Variants in MACF1 observed in about 807,000 individuals in gnomAD.
The protein encoded by MACF1 is microtubule-actin cross-linking factor 1.
MACF1 carries 193 observed loss-of-function variants against 854.8 expected under a neutral mutation model. The observed-to-expected ratio is 0.23, with a 90% confidence interval of 0.20 to 0.25. MACF1 has a LOEUF of 0.25. Ranked by LOEUF, MACF1 falls within the 10% of genes least tolerant of loss-of-function variation. The probability of loss-of-function intolerance (pLI) is 1.00; values close to 1 mark genes in which losing one functional copy is unlikely to be tolerated. For synonymous variants in MACF1, 3,185 were observed against 3,226.7 expected (o/e 0.99, Z 0.44); for missense variants, 7,722 against 8,929.1 (o/e 0.86, Z 5.45).
intron 58 of MACF1, chr1:39,410,624 C>T (rs200185590): frequency 1.6e-4 from 251 of 1,613,856 alleles, no homozygotes; most frequent in Non-Finnish European, 2.1e-4. Flanking sequence ...AGAAGGCGGC[C>T]AAATGCAGAA....
chr1:39,178,001 G>T (rs1344882620), intron 2 of MACF1, among the ~76,000 whole-genome samples: 5 of 151,938 alleles, frequency 3.3e-5, no homozygotes, highest in Non-Finnish European at 5.9e-5. Flanking sequence ...CCGAGAGGGG[G>T]ATTTCCGCAG....
intron 23 of MACF1, among the ~76,000 whole-genome samples, chr1:39,307,526 C>T (rs1646207183): frequency 6.6e-6 from 1 of 152,138 alleles, no homozygotes; most frequent in South Asian, 2.1e-4. Flanking sequence ...TGAACACAAA[C>T]TAGAAACTCG....
intron 2 of MACF1, among the ~76,000 whole-genome samples, chr1:39,134,443 C>T (rs977717222): frequency 2.0e-5 from 3 of 152,104 alleles, no homozygotes; most frequent in Admixed American, 2.0e-4. Flanking sequence ...GACCATGTGC[C>T]TTCTTGCTCC....
At chr1:39,422,703 T>C (rs1260271666) in intron 59 of MACF1, 27 bp from the exon 60 acceptor site, 4 of 1,605,188 alleles carry the variant, frequency 2.5e-6, no homozygotes, top group Non-Finnish European at 2.6e-6. Flanking sequence ...TCCGTTCTCA[T>C]AATGAACCTA....
rs1443143866 is a variant in MACF1 at position 39,428,077 on chromosome 1, A to G, written c.16593A>G (p.Ile5531Met). Residue 5531 changes from isoleucine (I) to methionine (M), a missense_variant, in exon 63 of 101, where the codon ATA becomes ATG. Around this residue, in one of 15 missense-constraint regions of MACF1, gnomAD observed 2,807 missense variants for 3,235.8 expected, o/e 0.87. Transcript: ENST00000564288. ...PAEQGVLSEK[I>M]DSLQARYSEI... The stretch of plus-strand genomic sequence containing the variant: ...AACAGGGTGTGCTGTCAGAAAAGAT[A>G]GACTCATTGCAGGCCCGATACAGTG... 6.2e-7 allele frequency: 1 copy of G among 1,614,222 alleles called. No homozygotes were observed. Among genetic ancestry groups the G allele is most frequent in the Admixed American group, 1.7e-5 (1 of 60,024 alleles).
intron 82 of MACF1, 54 bp from the exon 83 acceptor site, chr1:39,447,979 T>TG: frequency 6.2e-7 from 1 of 1,612,216 alleles, no homozygotes; most frequent in South Asian, 1.1e-5. Context: ...TTCTCAAACG[T>TG]GCTGTATAGT....
At chr1:39,293,360 T>C in intron 17 of MACF1, 98 bp from the exon 18 acceptor site, 1 of 1,134,824 alleles carries the variant, frequency 8.8e-7, no homozygotes, top group Non-Finnish European at 1.2e-6. Flanking sequence ...TAAGAGCAAA[T>C]TAATTTCCTG....
rs191298596 is a variant in MACF1 at position 39,283,514 on chromosome 1, C to T, written c.914C>T (p.Thr305Met). ...GAGGGTGGAGAAGGGATCAGTGCTA[C>T]GGTAAAAGAACATTTTCCTAGAAGG... Reference protein sequence around the residue: ...VPEGGEGISATEVDSRWQEYQ... With the variant: ...VPEGGEGISAMEVDSRWQEYQ... Residue 305 changes from threonine to methionine, a missense_variant and splice_region_variant, in exon 9 of 101, where the codon ACG (threonine) becomes ATG (methionine). By Grantham distance (81) the Thr-to-Met change is moderately conservative (BLOSUM62 -1). Around this residue, in one of 15 missense-constraint regions of MACF1, gnomAD observed 97 missense variants for 130.4 expected, o/e 0.74. Transcript: ENST00000564288. The surrounding 1 kb of genome is among the most constrained non-coding windows in gnomAD (Gnocchi z 4.5). 3.5e-5 allele frequency: 56 copies of T among 1,588,782 alleles called. No individual in the cohort carries two copies. The highest frequency in any genetic ancestry group is 3.3e-4 in the Admixed American group (20 of 59,930).
intron 97 of MACF1, among the ~76,000 whole-genome samples, chr1:39,475,338 A>G (rs1425900036): frequency 6.6e-6 from 1 of 152,108 alleles, no homozygotes; most frequent in African/African-American, 2.4e-5. Context: ...GCAAGGTGGT[A>G]CATGCCTGTA....
chr1:39,465,336 A>G (rs1029342364), intron 95 of MACF1, among the ~76,000 whole-genome samples: 1 of 152,188 alleles, frequency 6.6e-6, no homozygotes, highest in African/African-American at 2.4e-5. Flanking sequence ...AAATGGAGGA[A>G]AGTGAAGCTA....
chr1:39,444,728 A>G lies in MACF1; in HGVS notation c.19498A>G (p.Met6500Val), dbSNP rs760403694. The G allele has an allele frequency of 1.9e-6, 3 of 1,614,184 alleles. No homozygotes were observed. Among genetic ancestry groups the G allele is most frequent in the East Asian group, 4.5e-5 (2 of 44,882 alleles). ...YNQLLDKGRL[M>V]LLSRDDSGSG... ...TCAACTACTTGACAAGGGCAGACTC[A>G]TGCTTCTAAGCCGTGACGACTCTGG... Residue 6500 changes from methionine (M) to valine (V), a missense_variant, in exon 80 of 101, where the codon ATG becomes GTG. Physicochemically the swap from Met to Val is conservative, Grantham distance 21. Around this residue, in one of 15 missense-constraint regions of MACF1, gnomAD observed 729 missense variants for 900.5 expected, o/e 0.81. Transcript: ENST00000564288.
rs1415910110 is a variant in MACF1 at position 39,432,525 on chromosome 1, C to T, written c.17338-10C>T. On this transcript the variant is annotated splice_polypyrimidine_tract_variant and intron_variant, in intron 66 of 100. Coordinates refer to ENST00000564288, the MANE Select transcript of MACF1 (RefSeq NM_001394062.1). Reference sequence around the variant, plus strand: ...ATAATTTGTTTATTTTTCTTTAATACGTCTATTAGTATGAGCAAGCTGCCG... The same window carrying T: ...ATAATTTGTTTATTTTTCTTTAATATGTCTATTAGTATGAGCAAGCTGCCG... 6 of 1,612,174 alleles carry T rather than the reference C, an allele frequency of 3.7e-6. No individual in the cohort carries two copies. The highest frequency in any genetic ancestry group is 2.2e-5 in the South Asian group (2 of 90,760).
At chr1:39,173,499 C>T (rs1302799600) in intron 2 of MACF1, among the ~76,000 whole-genome samples, 1 of 152,190 alleles carries the variant, frequency 6.6e-6, no homozygotes, top group African/African-American at 2.4e-5. Flanking sequence ...TCCTCTTCCA[C>T]CTACCACTTG....
At chr1:39,092,816 C>T (rs1242887035) in intron 2 of MACF1, among the ~76,000 whole-genome samples, 1 of 150,736 alleles carries the variant, frequency 6.6e-6, no homozygotes, top group Non-Finnish European at 1.5e-5. Context: ...TGGAGTCTCT[C>T]TCTGTTGCCC....
chr1:39,250,224 T>G (rs1358033228), intron 3 of MACF1, 121 bp downstream of exon 3: 5 of 562,480 alleles, frequency 8.9e-6, no homozygotes, highest in Non-Finnish European at 1.3e-5. Context: ...GAGGAAGAAG[T>G]AGAAGGAAAT....
At chr1:39,343,922 C>A (rs1646988926) in intron 40 of MACF1, among the ~76,000 whole-genome samples, 2 of 151,604 alleles carry the variant, frequency 1.3e-5, no homozygotes, top group African/African-American at 4.9e-5. Flanking sequence ...TTGAGACCAG[C>A]CTGACCAACA....
At chr1:39,287,153 G>C (rs1184778527) in intron 14 of MACF1, 133 bp from the exon 15 acceptor site, 1 of 938,342 alleles carries the variant, frequency 1.1e-6, no homozygotes, top group Non-Finnish European at 1.6e-6. Context: ...TAGAGACGGG[G>C]TTTCACCATG....
At chr1:39,314,557 TCTCTCTCTCTCTCACA>T (rs1403449843) in intron 26 of MACF1, among the ~76,000 whole-genome samples, 1 of 38,432 alleles carries the variant, frequency 2.6e-5, no homozygotes, top group East Asian at 7.4e-4. Context: ...TTTCTCTCTC[TCTCTCTCTCTCTCACA>T]CACACACACA....
rs1217892748 is a variant in MACF1 at position 39,430,749 on chromosome 1, G to A, written c.17178G>A (p.Val5726=). Reference sequence around the variant, plus strand: ...AGCACAGGCTGGTGTTGGACACAGTGAATGAGGTGAGCCGTGCTCTCTTAG... The same window carrying A: ...AGCACAGGCTGGTGTTGGACACAGTAAATGAGGTGAGCCGTGCTCTCTTAG... ...VMEHRLVLDT[V]NEVSRALLEL... Residue 5726 remains valine, a synonymous_variant, in exon 66 of 101, where the codon GTG becomes GTA. Coordinates refer to ENST00000564288, the MANE Select transcript of MACF1 (RefSeq NM_001394062.1). The A allele has an allele frequency of 6.2e-7, 1 of 1,612,238 alleles. No homozygotes were observed. Among genetic ancestry groups the A allele is most frequent in the Non-Finnish European group, 8.5e-7 (1 of 1,179,988 alleles).
Sources: gnomAD v4.1 joint callset for allele counts (sites outside exome capture counted in the v4.1 genomes callset) on GRCh38, gnomAD v4.1.1 for gene constraint, gnomAD v4.1.1 regional missense constraint, Gnocchi (gnomAD v3.1) non-coding constraint, MANE v1.5 for transcripts, NCBI Gene and HGNC (gene_info 2026-07-23, HGNC 2026-07-21) for gene names.